The following GABRB2 variants were observed in gnomAD, a reference collection of about 807,000 sequenced individuals.
GABRB2 encodes the protein gamma-aminobutyric acid type A receptor subunit beta2.
A neutral mutation model predicts 54.7 loss-of-function variants in GABRB2; 16 were observed. The observed-to-expected ratio is 0.29, with a 90% CI of 0.20 to 0.44. GABRB2 has a LOEUF of 0.44. GABRB2 is among the 20% of genes least tolerant of loss of function. The pLI is 1.00. For missense variants in GABRB2, 355 were observed against 644.0 expected, an observed-to-expected ratio of 0.55 and a Z score of 4.86; for synonymous variants, 244 against 233.8, an observed-to-expected ratio of 1.04 and a Z score of -0.40.
intron 3 of GABRB2, among the ~76,000 whole-genome samples, chr5:161,512,321 T>C (rs1490242638): frequency 6.6e-6 from 1 of 151,932 alleles, no homozygotes; most frequent in Non-Finnish European, 1.5e-5. Context: ...AGGCATCACC[T>C]TACTCAACTT....
At position 161,304,895 on chromosome 5, in the gene GABRB2, G is replaced by T. The variant is rs567652117; in HGVS notation, c.1192-10467C>A. On this transcript the variant is annotated intron_variant, in intron 9 of 9. Transcript: ENST00000393959. ...GTACAGGCTACTAGTTTCAATTAAG[G>T]TTGAAAGTAGGGATTCATTTTCGTT... Among the ~76,000 whole-genome samples, 3 of 151,748 alleles carry T rather than the reference G, an allele frequency of 2.0e-5. No individual in the cohort carries two copies. In the South Asian group the frequency reaches 6.2e-4, roughly 31 times the overall value.
intron 5 of GABRB2, among the ~76,000 whole-genome samples, chr5:161,347,216 A>G (rs966107248): frequency 1.3e-5 from 2 of 152,058 alleles, no homozygotes; most frequent in African/African-American, 4.8e-5. Context: ...TTTACTGGAG[A>G]AACTATTTTT....
At chr5:161,369,495 G>A (rs1312921267) in intron 5 of GABRB2, among the ~76,000 whole-genome samples, 3 of 151,448 alleles carry the variant, frequency 2.0e-5, no homozygotes, top group Admixed American at 6.6e-5. Flanking sequence ...TAGAAAGAAC[G>A]AATGCTTTCT....
chr5:161,355,727 TCAAACC>T (rs1754603797), intron 5 of GABRB2, among the ~76,000 whole-genome samples: 1 of 152,068 alleles, frequency 6.6e-6, no homozygotes, highest in Non-Finnish European at 1.5e-5. Context: ...AGGATCTGAC[TCAAACC>T]ATGTCAAACA....
intron 5 of GABRB2, among the ~76,000 whole-genome samples, chr5:161,406,740 C>T (rs974879262): frequency 5.9e-5 from 9 of 151,952 alleles, no homozygotes; most frequent in African/African-American, 1.9e-4. Flanking sequence ...GAGAGGCCAG[C>T]AACAATTGGT....
chr5:161,334,819 C>T lies in GABRB2; in HGVS notation c.765G>A (p.Leu255=), dbSNP rs1418729220. Reference sequence around the variant, plus strand: ...AGGAGACCCAGGAGAGGATGGTAATCAGGATGGAAGGCATGTATGTTTGCA... The same window carrying T: ...AGGAGACCCAGGAGAGGATGGTAATTAGGATGGAAGGCATGTATGTTTGCA... The part of the protein sequence containing the change: ...FILQTYMPSI[L]ITILSWVSFW... The change falls in exon 7 of 10, where the codon CTG becomes CTA. Residue 255 remains leucine, a synonymous_variant. Coordinates refer to ENST00000393959, the MANE Select transcript of GABRB2 (RefSeq NM_001371727.1). 6.2e-7 allele frequency: 1 copy of T among 1,614,010 alleles called. No individual in the cohort carries two copies. The highest frequency in any genetic ancestry group is 8.5e-7 in the Non-Finnish European group (1 of 1,179,922).
chr5:161,462,519 A>C (rs1019059519), intron 3 of GABRB2, among the ~76,000 whole-genome samples: 2 of 152,186 alleles, frequency 1.3e-5, no homozygotes, highest in African/African-American at 4.8e-5. Flanking sequence ...AGCTACTTAC[A>C]CTTCTTTCAT....
chr5:161,367,876 T>C (rs1755014705), intron 5 of GABRB2, among the ~76,000 whole-genome samples: 1 of 152,102 alleles, frequency 6.6e-6, no homozygotes, highest in Non-Finnish European at 1.5e-5. Flanking sequence ...CAAAGATAAA[T>C]AGGCATTCTA....
chr5:161,509,527 A>C (rs138079843), intron 3 of GABRB2, among the ~76,000 whole-genome samples: 99 of 152,066 alleles, frequency 6.5e-4, no homozygotes, highest in African/African-American at 2.1e-3. Flanking sequence ...TTCCTCTTGG[A>C]ATCAGCTCCA....
At chr5:161,543,130 A>G (rs1300063037) in intron 3 of GABRB2, among the ~76,000 whole-genome samples, 2 of 152,248 alleles carry the variant, frequency 1.3e-5, no homozygotes, top group Non-Finnish European at 2.9e-5. Flanking sequence ...CTAATCATTA[A>G]TGTTGCAATG....
chr5:161,421,781 C>G (rs189218718), intron 4 of GABRB2, among the ~76,000 whole-genome samples: 193 of 152,198 alleles, frequency 1.3e-3, no homozygotes, highest in Middle Eastern at 3.4e-3. Flanking sequence ...GACCAATGGT[C>G]AGGGAGGAAA....
chr5:161,420,552 A>T (rs1756820009), intron 4 of GABRB2, among the ~76,000 whole-genome samples: 1 of 152,094 alleles, frequency 6.6e-6, no homozygotes, highest in Non-Finnish European at 1.5e-5. Flanking sequence ...GACCAGGGAA[A>T]TTGTCTCCCT....
intron 5 of GABRB2, among the ~76,000 whole-genome samples, chr5:161,407,378 T>C (rs1296193103): frequency 5.3e-5 from 8 of 152,124 alleles, no homozygotes; most frequent in Admixed American, 5.2e-4. Flanking sequence ...CACAGTGTAA[T>C]GAGTTTCAAT....
chr5:161,463,555 T>TTATA (rs869302091), intron 3 of GABRB2, among the ~76,000 whole-genome samples: 13 of 23,660 alleles, frequency 5.5e-4, no homozygotes, highest in African/African-American at 1.8e-3. Flanking sequence ...ATATTTTTAT[T>TTATA]TATATATATA....
At chr5:161,396,465 A>ATAACAAACCCACTTT (rs1447451285) in intron 5 of GABRB2, among the ~76,000 whole-genome samples, 1 of 152,238 alleles carries the variant, frequency 6.6e-6, no homozygotes, top group Admixed American at 6.5e-5. Flanking sequence ...TAAAACGAGA[A>ATAACAAACCCACTTT]TAACAAACCC....
chr5:161,517,500 T>C (rs1025538614), intron 3 of GABRB2, among the ~76,000 whole-genome samples: 2 of 152,178 alleles, frequency 1.3e-5, no homozygotes, highest in African/African-American at 2.4e-5. Context: ...TGAGGAAATA[T>C]ATAGATCATA....
At chr5:161,418,333 T>C (rs181715908) in intron 4 of GABRB2, among the ~76,000 whole-genome samples, 1 of 152,210 alleles carries the variant, frequency 6.6e-6, no homozygotes, top group South Asian at 2.1e-4. Flanking sequence ...GGCGGTCTCA[T>C]CTATAGGTAC....
chr5:161,368,564 A>G (rs903331683), intron 5 of GABRB2, among the ~76,000 whole-genome samples: 1 of 151,976 alleles, frequency 6.6e-6, no homozygotes, highest in African/African-American at 2.4e-5. Context: ...AGAAAATTAG[A>G]CCTGATGGAA....
rs909830935 is a variant in GABRB2, at chr5:161,515,108, G to T, written c.237+30119C>A. On this transcript the variant is annotated intron_variant, in intron 3 of 9. Coordinates refer to ENST00000393959, the MANE Select transcript of GABRB2 (RefSeq NM_001371727.1). The stretch of plus-strand genomic sequence containing the variant: ...ATATGGCTTAGATAGGTAGAAAAAA[G>T]GACCATGTTAAGCAAAATAAACCCT... Among the ~76,000 whole-genome samples, 7 of 152,136 alleles carry T rather than the reference G, an allele frequency of 4.6e-5. No individual in the cohort carries two copies. In the East Asian group the frequency reaches 9.6e-4, roughly 21 times the overall value.
Sources: allele counts gnomAD v4.1 joint callset (sites outside exome capture counted in the v4.1 genomes callset), GRCh38; gene constraint gnomAD v4.1.1; transcripts MANE v1.5; gene names NCBI Gene and HGNC (gene_info 2026-07-23, HGNC 2026-07-21).